The following LAMTOR3 variants were observed in gnomAD, a reference collection of about 807,000 sequenced individuals.
The protein encoded by LAMTOR3 is late endosomal/lysosomal adaptor, MAPK and MTOR activator 3.
Under a neutral mutation model 20.3 loss-of-function variants are expected in LAMTOR3, and 14 were observed. The observed-to-expected ratio is 0.69, with a 90% confidence interval of 0.46 to 1.08. The LOEUF (loss-of-function observed/expected upper bound fraction) is 1.08, where lower values mean the gene tolerates loss of function less well. Among genes scored for constraint, LAMTOR3 ranks in the 50% least tolerant of loss-of-function variants. LAMTOR3 has a pLI of 0.00. For missense variants in LAMTOR3, 125 were observed against 143.7 expected (o/e 0.87, Z 0.67); for synonymous variants, 40 against 49.4 (o/e 0.81, Z 0.80).
At chr4:99,887,861 C>G (rs1264666342) in intron 3 of LAMTOR3, among the ~76,000 whole-genome samples, 1 of 152,112 alleles carries the variant, frequency 6.6e-6, no homozygotes, top group African/African-American at 2.4e-5. Flanking sequence ...AAAACTAAAA[C>G]TGGTGGCAAG....
At chr4:99,894,274 C>T (rs1725081429) in intron 1 of LAMTOR3, 61 bp downstream of exon 1, 1 of 326,106 alleles carries the variant, frequency 3.1e-6, no homozygotes, top group South Asian at 1.5e-4. Context: ...TCTGTTTAAT[C>T]TCACCACCCG....
intron 3 of LAMTOR3, 102 bp downstream of exon 3, chr4:99,891,898 T>C (rs1035051812): frequency 3.1e-5 from 46 of 1,470,060 alleles, no homozygotes; most frequent in Non-Finnish European, 3.9e-5. Flanking sequence ...TTAAAGGAAA[T>C]CTCAGAGATA....
rs532112940 is a variant in LAMTOR3 at position 99,880,210 on chromosome 4, C to A, written c.*1784G>T. 3 of 152,214 alleles carry A rather than the reference C, an allele frequency of 2.0e-5. No individual in the cohort carries two copies. The South Asian group carries it at 6.2e-4, about 32-fold the overall frequency. 9.4% of individuals were successfully genotyped at this position (152,214 alleles called of 1,614,324 possible). A position where few individuals can be genotyped will look rare whatever the true frequency, so the allele number is the denominator to read the frequency against. The stretch of plus-strand genomic sequence containing the variant: ...TCATAGCACTTTCTATACCTGCTTC[C>A]TTTACTGAACTCTAAGTTCTTTAAA... On this transcript the variant is annotated 3_prime_UTR_variant, in exon 7 of 7. Transcript: ENST00000499666.
chr4:99,892,548 T>C lies in LAMTOR3; in HGVS notation c.10-514A>G, dbSNP rs530544483. ...TCACATTATAAAAATATGCCTTCCA[T>C]TGTTTCATTATTTGTTGAACTCACC... On this transcript the variant is annotated intron_variant, in intron 2 of 6. Transcript: ENST00000499666. Among the ~76,000 whole-genome samples, 10 of 152,330 alleles carry C rather than the reference T, an allele frequency of 6.6e-5. No individual in the cohort carries two copies. In the South Asian group the frequency reaches 1.9e-3, roughly 28 times the overall value.
chr4:99,885,672 G>A lies in LAMTOR3; in HGVS notation c.107C>T (p.Ala36Val). 5 of 1,610,778 alleles carry A rather than the reference G, an allele frequency of 3.1e-6. No individual in the cohort carries two copies. Among genetic ancestry groups the A allele is most frequent in the Non-Finnish European group, 4.2e-6 (5 of 1,178,672 alleles). Reference protein sequence around the residue: ...DRDGVPVIKVANDNAPEHALR... With the variant: ...DRDGVPVIKVVNDNAPEHALR... ...AGCATGCTCTGGAGCATTGTCATTT[G>A]CCACTAGAAAAATAAGTGATTTAAA... Residue 36 changes from alanine (A) to valine (V), a missense_variant, in exon 5 of 7, where the codon GCA (alanine) becomes GTA (valine). Physicochemically the swap from Ala to Val is moderately conservative, Grantham distance 64. This residue lies in a region of LAMTOR3 where 99 missense variants were observed against 96.0 expected (regional missense o/e 1.03). Coordinates refer to ENST00000499666, the MANE Select transcript of LAMTOR3 (RefSeq NM_021970.4).
At chr4:99,892,726 T>G (rs1056222618) in intron 2 of LAMTOR3, among the ~76,000 whole-genome samples, 4 of 149,842 alleles carry the variant, frequency 2.7e-5, no homozygotes, top group Non-Finnish European at 4.4e-5. Context: ...TTGTCCAGGC[T>G]GGAGTGCAAT....
intron 2 of LAMTOR3, 50 bp from the exon 3 acceptor site, chr4:99,892,084 T>C (rs771624431): frequency 6.5e-7 from 1 of 1,529,544 alleles, no homozygotes; most frequent in South Asian, 1.3e-5. Context: ...CCTTCCACTG[T>C]TTTCTAGATC....
chr4:99,894,236 CAAAGA>C lies in LAMTOR3; in HGVS notation c.-38+94_-38+98del, dbSNP rs200097161. On this transcript the variant is annotated intron_variant, in intron 1 of 6. Transcript: ENST00000499666. The stretch of plus-strand genomic sequence containing the variant: ...CCCCTCCACCCCAAAGAGCTAGGCC[CAAAGA>C]AAAGAAGAGAGGGTCCTCTCCTTCT... 8.2e-3 allele frequency: 3,132 copies of C among 379,796 alleles called. 30 individuals carry two copies. Among genetic ancestry groups the C allele is most frequent in the South Asian group, 0.033 (247 of 7,468 alleles). 23.5% of individuals were successfully genotyped at this position (379,796 alleles called of 1,614,324 possible).
chr4:99,894,531 CGCG>C (rs1725096211), upstream of LAMTOR3: 1 of 151,278 alleles, frequency 6.6e-6, no homozygotes, highest in African/African-American at 2.4e-5. Context: ...GTCCGGCGGC[CGCG>C]CCCCTCCCCT....
At chr4:99,882,687 A>T (rs1412719286) in intron 6 of LAMTOR3, among the ~76,000 whole-genome samples, 1 of 152,198 alleles carries the variant, frequency 6.6e-6, no homozygotes, top group East Asian at 1.9e-4. Context: ...GCAAATTTTA[A>T]CAGATTATAT....
Position 99,885,568 on chromosome 4 carries a change from T to A in LAMTOR3, c.211A>T (p.Ile71Phe), listed in dbSNP as rs762392940. Residue 71 changes from isoleucine (I) to phenylalanine (F), a missense_variant, in exon 5 of 7, where the codon ATC becomes TTC. This residue lies in a region of LAMTOR3 where 99 missense variants were observed against 96.0 expected (regional missense o/e 1.03). Transcript: ENST00000499666. Reference sequence around the variant, plus strand: ...TGGTAGGTGTTATAGTAACAGATGATACTTTTATTTTTGGAAAGTCCAAGT... The same window carrying A: ...TGGTAGGTGTTATAGTAACAGATGAAACTTTTATTTTTGGAAAGTCCAAGT... ...SKLGLSKNKS[I>F]ICYYNTYQVV... 6.2e-7 allele frequency: 1 copy of A among 1,612,954 alleles called. No homozygotes were observed. Among genetic ancestry groups the A allele is most frequent in the South Asian group, 1.1e-5 (1 of 90,884 alleles).
At chr4:99,889,025 T>G (rs1446531578) in intron 3 of LAMTOR3, among the ~76,000 whole-genome samples, 1 of 152,070 alleles carries the variant, frequency 6.6e-6, no homozygotes, top group Non-Finnish European at 1.5e-5. Context: ...GCCAACATGA[T>G]GAAACCCCGT....
At chr4:99,892,362 C>A (rs907984607) in intron 2 of LAMTOR3, among the ~76,000 whole-genome samples, 56 of 152,142 alleles carry the variant, frequency 3.7e-4, no homozygotes, top group African/African-American at 1.4e-3. Flanking sequence ...AAAATTACAT[C>A]ATAATTTTCA....
chr4:99,893,352 C>T (rs1277561744), intron 2 of LAMTOR3, among the ~76,000 whole-genome samples: 1 of 152,090 alleles, frequency 6.6e-6, no homozygotes, highest in Admixed American at 6.5e-5. Flanking sequence ...TCTCTTATCC[C>T]AGGAATTTCA....
At chr4:99,893,757 G>A (rs1309302711) in intron 2 of LAMTOR3, among the ~76,000 whole-genome samples, 198 bp downstream of exon 2, 2 of 152,044 alleles carry the variant, frequency 1.3e-5, no homozygotes, top group Admixed American at 6.5e-5. Context: ...ACCCCCATTC[G>A]AGGCAGAAAC....
intron 5 of LAMTOR3, 126 bp downstream of exon 5, chr4:99,885,415 TA>T: frequency 2.7e-6 from 2 of 740,036 alleles, no homozygotes; most frequent in Non-Finnish European, 4.1e-6. Flanking sequence ...ATTTGAAGGC[TA>T]AAATTTTACA....
At chr4:99,889,427 C>A (rs1724984518) in intron 3 of LAMTOR3, among the ~76,000 whole-genome samples, 1 of 152,138 alleles carries the variant, frequency 6.6e-6, no homozygotes, top group South Asian at 2.1e-4. Context: ...GAATACTCTG[C>A]AGCCATGAGA....
chr4:99,883,778 CAA>C (rs368560480), intron 6 of LAMTOR3, among the ~76,000 whole-genome samples: 53 of 101,404 alleles, frequency 5.2e-4, no homozygotes, highest in Admixed American at 8.2e-4. Flanking sequence ...TTCCTGTCTC[CAA>C]AAAAAAAAAA....
At chr4:99,884,267 G>A in intron 5 of LAMTOR3, 142 bp from the exon 6 acceptor site, 1 of 628,920 alleles carries the variant, frequency 1.6e-6, no homozygotes, top group Non-Finnish European at 2.8e-6. Flanking sequence ...GAAACAGAAA[G>A]GAACTTTATA....
Sources: gnomAD v4.1 joint callset for allele counts (sites outside exome capture counted in the v4.1 genomes callset) on GRCh38, gnomAD v4.1.1 for gene constraint, gnomAD v4.1.1 regional missense constraint, MANE v1.5 for transcripts, NCBI Gene and HGNC (gene_info 2026-07-23, HGNC 2026-07-21) for gene names.